Variants in CAPSL observed in about 807,000 individuals in gnomAD.
The protein encoded by CAPSL is calcyphosine like, also known as calcyphosin-like protein.
In CAPSL, 17 loss-of-function variants were observed where a neutral mutation model predicts 21.3. The observed-to-expected ratio is 0.80, with a 90% CI of 0.55 to 1.20. The LOEUF (loss-of-function observed/expected upper bound fraction) is 1.20, where lower values mean the gene tolerates loss of function less well. Ranked by LOEUF, CAPSL falls within the 50% of genes most tolerant of loss-of-function variation. The probability of loss-of-function intolerance (pLI) is 0.00; values close to 1 mark genes in which losing one functional copy is unlikely to be tolerated. For synonymous variants in CAPSL, 102 were observed against 89.3 expected (o/e 1.14, Z -0.80); for missense variants, 289 against 259.3 (o/e 1.11, Z -0.79).
At chr5:35,922,979 C>T (rs1369879579) in intron 1 of CAPSL, among the ~76,000 whole-genome samples, 1 of 152,154 alleles carries the variant, frequency 6.6e-6, no homozygotes, top group Non-Finnish European at 1.5e-5. Context: ...CATCCCCACC[C>T]CAACCCCTAT....
At chr5:35,908,069 C>A (rs1408838308) in intron 4 of CAPSL, among the ~76,000 whole-genome samples, 1 of 152,198 alleles carries the variant, frequency 6.6e-6, no homozygotes, top group African/African-American at 2.4e-5. Flanking sequence ...AAGTGTTGCC[C>A]AGATTCATTA....
chr5:35,928,616 T>TC (rs35363866), intron 1 of CAPSL, among the ~76,000 whole-genome samples: 14 of 151,826 alleles, frequency 9.2e-5, no homozygotes, highest in African/African-American at 2.9e-4. Context: ...CTGGGTACAA[T>TC]CCCCCCCACC....
chr5:35,913,369 T>A (rs1217229827), intron 2 of CAPSL, among the ~76,000 whole-genome samples: 1 of 152,130 alleles, frequency 6.6e-6, no homozygotes, highest in Admixed American at 6.5e-5. Context: ...GCCACAAAGA[T>A]AGTCCTCGAG....
intron 1 of CAPSL, among the ~76,000 whole-genome samples, chr5:35,927,883 G>GTT (rs1281522492): frequency 6.6e-6 from 1 of 152,190 alleles, no homozygotes; most frequent in East Asian, 1.9e-4. Context: ...TCCTCAATAA[G>GTT]TTTCCCCTTG....
At chr5:35,924,588 C>T (rs978905806) in intron 1 of CAPSL, among the ~76,000 whole-genome samples, 4 of 152,156 alleles carry the variant, frequency 2.6e-5, no homozygotes, top group African/African-American at 9.7e-5. Context: ...TCCTGCTAGC[C>T]TACCGTGAAA....
chr5:35,919,115 C>T (rs377474918), intron 2 of CAPSL, among the ~76,000 whole-genome samples: 1 of 142,996 alleles, frequency 7.0e-6, no homozygotes, highest in African/African-American at 2.6e-5. Flanking sequence ...GATACTAAGT[C>T]AACTATATAG....
At chr5:35,920,656 T>C (rs1164065363) in intron 2 of CAPSL, among the ~76,000 whole-genome samples, 1 of 152,160 alleles carries the variant, frequency 6.6e-6, no homozygotes, top group African/African-American at 2.4e-5. Context: ...CCCTGGCCTT[T>C]ATTATCACAG....
At chr5:35,909,811 C>T in intron 4 of CAPSL, 55 bp downstream of exon 4, 1 of 1,407,370 alleles carries the variant, frequency 7.1e-7, no homozygotes, top group Non-Finnish European at 9.8e-7. Flanking sequence ...GACCTATTTC[C>T]CATTTACAAT....
chr5:35,905,331 T>A (rs1252976315), intron 4 of CAPSL, among the ~76,000 whole-genome samples: 1 of 152,204 alleles, frequency 6.6e-6, no homozygotes, highest in Non-Finnish European at 1.5e-5. Flanking sequence ...GTCTTATTTT[T>A]AACAGGTCTA....
chr5:35,930,124 C>T (rs555360192), intron 1 of CAPSL, among the ~76,000 whole-genome samples: 2 of 152,064 alleles, frequency 1.3e-5, no homozygotes, highest in African/African-American at 2.4e-5. Context: ...TAAAGTATGA[C>T]GGCATTTCAT....
chr5:35,908,995 G>A (rs1475514743), intron 4 of CAPSL, among the ~76,000 whole-genome samples: 1 of 152,086 alleles, frequency 6.6e-6, no homozygotes, highest in East Asian at 1.9e-4. Context: ...TGAACCCTGG[G>A]GCTGTGCTGC....
rs1760620160 is a variant in CAPSL at position 35,904,289 on chromosome 5, AGGAGC to A, written c.*251_*255del. The A allele has an allele frequency of 2.0e-6, 1 of 511,356 alleles. No homozygotes were observed. Among genetic ancestry groups the A allele is most frequent in the East Asian group, 3.3e-5 (1 of 30,224 alleles). The allele number at this position is 511,356 out of a possible 1,614,324, so 31.7% of individuals were successfully genotyped here. Reference sequence around the variant, plus strand: ...CACCTGCATGTATCAGCACAGCACTAGGAGCTTTACAGAGCTCATTTTATTTAAGT... The same window carrying A: ...CACCTGCATGTATCAGCACAGCACTATTTACAGAGCTCATTTTATTTAAGT... On this transcript the variant is annotated 3_prime_UTR_variant, in exon 5 of 5. Coordinates refer to ENST00000651391, the MANE Select transcript of CAPSL (RefSeq NM_001042625.2).
intron 1 of CAPSL, among the ~76,000 whole-genome samples, chr5:35,926,196 C>G (rs1561442580): frequency 6.6e-6 from 1 of 152,106 alleles, no homozygotes; most frequent in Non-Finnish European, 1.5e-5. Flanking sequence ...GCTATGCTGC[C>G]TGGACCGTGT....
chr5:35,928,105 G>T (rs900220688), intron 1 of CAPSL, among the ~76,000 whole-genome samples: 10 of 152,200 alleles, frequency 6.6e-5, no homozygotes, highest in African/African-American at 1.4e-4. Flanking sequence ...CTTGAACTAT[G>T]GATCCTCCAG....
At chr5:35,906,560 A>G (rs1257409774) in intron 4 of CAPSL, among the ~76,000 whole-genome samples, 1 of 152,192 alleles carries the variant, frequency 6.6e-6, no homozygotes, top group African/African-American at 2.4e-5. Context: ...CATGAAGGAA[A>G]GGCCAGGAAA....
intron 2 of CAPSL, among the ~76,000 whole-genome samples, chr5:35,916,887 C>T (rs1738404646): frequency 6.6e-6 from 1 of 152,150 alleles, no homozygotes; most frequent in Non-Finnish European, 1.5e-5. Context: ...AACTAAAGAG[C>T]TTCTGCACAG....
chr5:35,907,081 T>A (rs1219517992), intron 4 of CAPSL, among the ~76,000 whole-genome samples: 1 of 152,178 alleles, frequency 6.6e-6, no homozygotes, highest in Non-Finnish European at 1.5e-5. Context: ...TTCATTTTAT[T>A]TGACATTAGA....
At position 35,910,418 on chromosome 5, in the gene CAPSL, T is replaced by C. The variant is rs772992939; in HGVS notation, c.263A>G (p.Asp88Gly). The change falls in exon 3 of 5, where the codon GAT becomes GGT. Residue 88 changes from aspartate to glycine, a missense_variant. Asp to Gly is a moderately conservative substitution (Grantham distance 94, BLOSUM62 -1). Coordinates refer to ENST00000651391, the MANE Select transcript of CAPSL (RefSeq NM_001042625.2). Reference sequence around the variant, plus strand: ...GTCTATTGTTCCATTTCCATCTTTATCAAACCTCCGGAAAAGTTCTTCCAC... The same window carrying C: ...GTCTATTGTTCCATTTCCATCTTTACCAAACCTCCGGAAAAGTTCTTCCAC... ...EEVEELFRRF[D>G]KDGNGTIDFN... is the part of the protein sequence containing the mutation. 2.5e-6 allele frequency: 4 copies of C among 1,613,918 alleles called. No homozygotes were observed.
intron 2 of CAPSL, 134 bp from the exon 3 acceptor site, chr5:35,910,677 C>T (rs1408199901): frequency 6.4e-6 from 4 of 623,796 alleles, no homozygotes; most frequent in Non-Finnish European, 1.1e-5. Context: ...TCTGCACCCT[C>T]CTTTCCAAAA....
Sources: gnomAD v4.1 joint callset for allele counts (sites outside exome capture counted in the v4.1 genomes callset) on GRCh38, gnomAD v4.1.1 for gene constraint, MANE v1.5 for transcripts, NCBI Gene and HGNC (gene_info 2026-07-23, HGNC 2026-07-21) for gene names.